CCDC7: variants seen among roughly 807,000 people sequenced by gnomAD.
CCDC7 encodes coiled-coil domain containing 7.
In CCDC7, 183 loss-of-function variants were observed where a neutral mutation model predicts 196.9. The observed-to-expected ratio is 0.93, with a 90% CI of 0.82 to 1.05. The LOEUF (loss-of-function observed/expected upper bound fraction) is 1.05. CCDC7 is among the 50% of genes least tolerant of loss of function. CCDC7 has a pLI of 0.00. For synonymous variants in CCDC7, 525 were observed against 484.6 expected, an observed-to-expected ratio of 1.08 and a Z score of -1.10; for missense variants, 1,540 against 1,482.2, an observed-to-expected ratio of 1.04 and a Z score of -0.64.
At chr10:32,710,286 C>A (rs2080604909) in intron 24 of CCDC7, among the ~76,000 whole-genome samples, 1 of 152,296 alleles carries the variant, frequency 6.6e-6, no homozygotes, top group African/African-American at 2.4e-5. Context: ...TTATTTAAAC[C>A]ATGAGTCTCA....
chr10:32,674,647 T>A (rs2074616385), intron 21 of CCDC7, among the ~76,000 whole-genome samples: 1 of 152,094 alleles, frequency 6.6e-6, no homozygotes, highest in Non-Finnish European at 1.5e-5. Context: ...ATTTTCTGTT[T>A]GGATGATCTA....
rs559391047 is a variant in CCDC7, at chr10:32,730,159, C to G, written c.2905+702C>G. 7.2e-5 allele frequency among the ~76,000 whole-genome samples: 11 copies of G among 152,208 alleles called. No homozygotes were observed. The East Asian group carries it at 7.7e-4, about 11-fold the overall frequency. ...TGATGCTGCCCCTCCTCTTGCCCCCCACTCCAGACAGGCCACTGTGTAGGT... is the reference window on the plus strand; with the variant it reads ...TGATGCTGCCCCTCCTCTTGCCCCCGACTCCAGACAGGCCACTGTGTAGGT... On this transcript the variant is annotated intron_variant, in intron 28 of 41. Coordinates refer to ENST00000639629, the Ensembl canonical transcript of CCDC7.
intron 31 of CCDC7, among the ~76,000 whole-genome samples, chr10:32,822,595 A>G (rs1185442751): frequency 6.6e-6 from 1 of 152,184 alleles, no homozygotes; most frequent in Non-Finnish European, 1.5e-5. Flanking sequence ...TATAATATGT[A>G]TAACAGTAGC....
chr10:32,829,240 A>G (rs1416998316), intron 32 of CCDC7, among the ~76,000 whole-genome samples: 1 of 152,144 alleles, frequency 6.6e-6, no homozygotes, highest in Non-Finnish European at 1.5e-5. Context: ...CCCTTCAGGA[A>G]TGAAGGTTTG....
At chr10:32,468,938 A>G (rs1199542794) in intron 5 of CCDC7, among the ~76,000 whole-genome samples, 1 of 152,258 alleles carries the variant, frequency 6.6e-6, no homozygotes, top group Non-Finnish European at 1.5e-5. Context: ...GGAAACTATT[A>G]GAGAATATGG....
At chr10:32,636,303 T>C (rs1219801280) in intron 20 of CCDC7, among the ~76,000 whole-genome samples, 1 of 152,234 alleles carries the variant, frequency 6.6e-6, no homozygotes, top group Non-Finnish European at 1.5e-5. Flanking sequence ...TATGTATACA[T>C]GTGCCATGTT....
At chr10:32,851,167 G>T (rs1284290741) in intron 39 of CCDC7, among the ~76,000 whole-genome samples, 1 of 151,908 alleles carries the variant, frequency 6.6e-6, no homozygotes, top group Non-Finnish European at 1.5e-5. Flanking sequence ...GTAATTTTAG[G>T]TTGTTTATTT....
chr10:32,788,420 A>C (rs1428080020), intron 29 of CCDC7, among the ~76,000 whole-genome samples: 1 of 152,110 alleles, frequency 6.6e-6, no homozygotes, highest in African/African-American at 2.4e-5. Context: ...AGGCCTATTT[A>C]TGTGTATCCA....
In CCDC7 at chr10:32,466,989, C is replaced by T. The variant is rs145606633; in HGVS notation, c.510+3940C>T. Among the ~76,000 whole-genome samples the T allele has an allele frequency of 2.5e-3, 375 of 152,168 alleles. 1 individual carries two copies. Among genetic ancestry groups the T allele is most frequent in the Non-Finnish European group, 3.9e-3 (265 of 68,014 alleles). ...CATTCTGACTGGTATGAGGTGGTAT[C>T]TCATTGTGGTTTGATTTGCATTTCT... On this transcript the variant is annotated intron_variant, in intron 5 of 41. Transcript: ENST00000639629.
rs373724864 is a variant in CCDC7 at position 32,830,121 on chromosome 10, G to GATATATATATAC, written c.3269-4683_3269-4682insCATATATATATA. ...TCCTATTAGTTCTTATATATATAAG[G>GATATATATATAC]ATATATATATATATATATATCCTAT... On this transcript the variant is annotated intron_variant, in intron 32 of 41. Transcript: ENST00000639629. Among the ~76,000 whole-genome samples, 32 of 50,668 alleles carry GATATATATATAC rather than the reference G, an allele frequency of 6.3e-4. 10 individuals carry two copies. The highest frequency in any genetic ancestry group is 5.7e-3 in the Admixed American group (22 of 3,876). 33.2% of individuals were successfully genotyped at this position (50,668 alleles called of 152,430 possible).
At chr10:32,583,203 A>G in exon 17 of CCDC7, 1 of 1,231,546 alleles carries the variant, frequency 8.1e-7, no homozygotes. Flanking sequence ...AGTATCATCC[A>G]GCAAAGAAGT....
At position 32,677,506 on chromosome 10, in the gene CCDC7, G is replaced by A. The variant is rs532507413; in HGVS notation, c.2123-8464G>A. ...AATTTTTCTGGGTGTAGTATTCTTG[G>A]TTGACATTTATTTCATTCAGTACTT... is the stretch of plus-strand genomic sequence containing the variant. On this transcript the variant is annotated intron_variant, in intron 21 of 41. Transcript: ENST00000639629. Among the ~76,000 whole-genome samples the A allele has an allele frequency of 1.1e-4, 16 of 152,086 alleles. No individual in the cohort carries two copies. In the South Asian group the frequency reaches 3.1e-3, roughly 30 times the overall value.
At chr10:32,880,326 G>A (rs544140918), downstream of CCDC7, among the ~76,000 whole-genome samples, 9 of 152,284 alleles carry the variant, frequency 5.9e-5, no homozygotes, top group African/African-American at 1.9e-4. Flanking sequence ...TTCTTCATGT[G>A]TTTCTTGGCC....
Position 32,814,301 on chromosome 10 carries a change from C to A in CCDC7, c.3098-69C>A, listed in dbSNP as rs546711464. ...TAACACACACACATATATGTACATG[C>A]ACTCACACTGTCACATTTGTGTATA... On this transcript the variant is annotated intron_variant, in intron 30 of 41. Coordinates refer to ENST00000639629, the Ensembl canonical transcript of CCDC7. 25 of 1,043,156 alleles carry A rather than the reference C, an allele frequency of 2.4e-5. No homozygotes were observed. The East Asian group carries it at 5.5e-4, about 23-fold the overall frequency. 64.6% of individuals were successfully genotyped at this position (1,043,156 alleles called of 1,614,324 possible).
chr10:32,469,432 T>C (rs752958778), intron 5 of CCDC7, among the ~76,000 whole-genome samples: 1 of 152,158 alleles, frequency 6.6e-6, no homozygotes, highest in Non-Finnish European at 1.5e-5. Context: ...GCAGCTTTCA[T>C]CACTACATGG....
intron 20 of CCDC7, among the ~76,000 whole-genome samples, chr10:32,646,462 T>G (rs72782233): frequency 0.041 from 6,178 of 152,322 alleles, 193 homozygotes; most frequent in Middle Eastern, 0.082. Context: ...CTGGAGAATC[T>G]TCCATGTGCT....
At chr10:32,492,756 G>T (rs2042341641) in intron 9 of CCDC7, among the ~76,000 whole-genome samples, 1 of 152,012 alleles carries the variant, frequency 6.6e-6, no homozygotes, top group Admixed American at 6.6e-5. Flanking sequence ...GAGTTCTGGA[G>T]ATTGGTTGTA....
At chr10:32,599,450 A>C (rs890386932) in intron 18 of CCDC7, among the ~76,000 whole-genome samples, 1 of 152,054 alleles carries the variant, frequency 6.6e-6, no homozygotes, top group African/African-American at 2.4e-5. Flanking sequence ...TGCTTTTGTC[A>C]TTATTATATT....
At chr10:32,870,507 G>T (rs904134550) in intron 41 of CCDC7, among the ~76,000 whole-genome samples, 2 of 152,120 alleles carry the variant, frequency 1.3e-5, no homozygotes, top group Non-Finnish European at 1.5e-5. Context: ...CTGAGATGAT[G>T]GGGTTTTCTA....
Sources: allele counts gnomAD v4.1 joint callset (sites outside exome capture counted in the v4.1 genomes callset), GRCh38; gene constraint gnomAD v4.1.1; transcripts MANE v1.5; gene names NCBI Gene and HGNC (gene_info 2026-07-23, HGNC 2026-07-21).